UPB1: variants seen among roughly 807,000 people sequenced by gnomAD.
The protein encoded by UPB1 is beta-ureidopropionase 1, also known as beta-ureidopropionase.
A neutral mutation model predicts 49.1 loss-of-function variants in UPB1; 40 were observed. The ratio of observed to expected loss-of-function variants is 0.81; its 90% confidence interval spans 0.63 to 1.06. The LOEUF is 1.06. Among genes scored for constraint, UPB1 ranks in the 50% least tolerant of loss-of-function variants. The pLI, the probability that UPB1 is intolerant of heterozygous loss-of-function variation, is 0.00. For synonymous variants in UPB1, 207 were observed against 198.2 expected, an observed-to-expected ratio of 1.04 and a Z score of -0.38; for missense variants, 499 against 505.9, an observed-to-expected ratio of 0.99 and a Z score of 0.13.
rs144213713 is a variant in UPB1, at chr22:24,520,458, G to C, written c.863G>C (p.Arg288Pro). The change falls in exon 7 of 10, where the codon CGA becomes CCA. Residue 288 changes from arginine to proline, a missense_variant. Physicochemically the swap from Arg to Pro is moderately radical, Grantham distance 103. Transcript: ENST00000326010. Reference sequence around the variant, plus strand: ...CACTGCTTCACCTGCGCCATCAATCGAGTGGGCACCGTAAGTCCCGAGGTC... The same window carrying C: ...CACTGCTTCACCTGCGCCATCAATCCAGTGGGCACCGTAAGTCCCGAGGTC... ...ANHCFTCAIN[R>P]VGTEHFPNEF... The C allele has an allele frequency of 6.6e-5, 106 of 1,613,918 alleles. No homozygotes were observed. In the African/African-American group the frequency reaches 1.4e-3, roughly 21 times the overall value.
chr22:24,519,869 GC>G (rs1182290959), intron 6 of UPB1: 1 of 241,116 alleles, frequency 4.1e-6, no homozygotes, highest in East Asian at 1.1e-4. Context: ...CCCTGCACAA[GC>G]CCACCAGGCC....
At chr22:24,515,518 T>C in intron 6 of UPB1, 148 bp downstream of exon 6, 1 of 1,071,764 alleles carries the variant, frequency 9.3e-7, no homozygotes, top group Non-Finnish European at 1.4e-6. Context: ...ATGTTGTACA[T>C]GTGACCAGCT....
chr22:24,506,982 T>C (rs1471046056), intron 3 of UPB1, among the ~76,000 whole-genome samples: 1 of 148,266 alleles, frequency 6.7e-6, no homozygotes, highest in Admixed American at 6.8e-5. Context: ...TCCTTCCCTC[T>C]AGGCTGGCAG....
At position 24,525,755 on chromosome 22, in the gene UPB1, T is replaced by C; in HGVS notation, c.1116T>C (p.Ala372=). 1 of 1,614,216 alleles carries C rather than the reference T, an allele frequency of 6.2e-7. No homozygotes were observed. Among genetic ancestry groups the C allele is most frequent in the East Asian group, 2.2e-5 (1 of 44,884 alleles). ...TGTACGCACGGGAGCTCGCCGAAGC[T>C]GTCAAGTCCAACTACAGCCCCACCA... ...YEMYARELAE[A]VKSNYSPTIV... is the part of the protein sequence containing the mutation. Residue 372 remains alanine (A), a synonymous_variant, in exon 10 of 10, where the codon GCT becomes GCC. Coordinates refer to ENST00000326010, the MANE Select transcript of UPB1 (RefSeq NM_016327.3).
chr22:24,504,355 C>T lies in UPB1; in HGVS notation c.364+2142C>T, dbSNP rs113894510. On this transcript the variant is annotated intron_variant, in intron 3 of 9. Transcript: ENST00000326010. ...AAATTTTAGGTTAGAAATCATTTTC[C>T]TTCAGAAGTTTGAACACATTGTTCC... Among the ~76,000 whole-genome samples the T allele has an allele frequency of 6.8e-3, 1,040 of 152,302 alleles. 15 individuals are homozygous for T. The highest frequency in any genetic ancestry group is 0.023 in the African/African-American group (972 of 41,568).
Position 24,495,397 on chromosome 22 carries a change from C to A in UPB1, c.-7C>A, listed in dbSNP as rs200677387. 3.7e-6 allele frequency: 6 copies of A among 1,612,786 alleles called. No homozygotes were observed. Among genetic ancestry groups the A allele is most frequent in the Non-Finnish European group, 4.2e-6 (5 of 1,179,978 alleles). The stretch of plus-strand genomic sequence containing the variant: ...TGCGCGGACACAAGCACTGGCGGAC[C>A]GTGGCCATGGCGGGCGCTGAGTGGA... On this transcript the variant is annotated 5_prime_UTR_variant, in exon 1 of 10. Transcript: ENST00000326010.
At chr22:24,501,442 C>G (rs968728853) in intron 2 of UPB1, among the ~76,000 whole-genome samples, 5 of 152,188 alleles carry the variant, frequency 3.3e-5, no homozygotes, top group African/African-American at 1.2e-4. Context: ...CTGGGAGTGA[C>G]AGACAGCAGA....
chr22:24,518,865 G>GGT lies in UPB1; in HGVS notation c.792-1514_792-1513dup, dbSNP rs1431654531. ...CCTTTCCACTGCGATTATTTTTAGGGGTGTGTGTGCACCGCGCTGGGAATA... is the reference window on the plus strand; with the variant it reads ...CCTTTCCACTGCGATTATTTTTAGGGGTGTGTGTGTGCACCGCGCTGGGAATA... On this transcript the variant is annotated intron_variant, in intron 6 of 9. Transcript: ENST00000326010. Among the ~76,000 whole-genome samples, 70 of 152,132 alleles carry GGT rather than the reference G, an allele frequency of 4.6e-4. 1 individual carries two copies. Among genetic ancestry groups the GGT allele is most frequent in the Non-Finnish European group, 7.4e-5 (5 of 68,002 alleles).
chr22:24,520,288 G>T, intron 6 of UPB1, 99 bp from the exon 7 acceptor site: 1 of 1,362,752 alleles, frequency 7.3e-7, no homozygotes. Context: ...CCCACCACTG[G>T]CCCAGGAAAG....
intron 3 of UPB1, among the ~76,000 whole-genome samples, chr22:24,504,504 C>T (rs774338460): frequency 6.6e-6 from 1 of 152,160 alleles, no homozygotes; most frequent in Non-Finnish European, 1.5e-5. Flanking sequence ...CAGTACTCTA[C>T]AATTTCATAA....
Position 24,513,341 on chromosome 22 carries a change from C to A in UPB1, c.477C>A (p.Asp159Glu). 6.2e-7 allele frequency: 1 copy of A among 1,614,180 alleles called. No homozygotes were observed. The highest frequency in any genetic ancestry group is 8.5e-7 in the Non-Finnish European group (1 of 1,180,036). ...RFCQKLAKNH[D>E]MVVVSPILER... ...TTTTCCAGCTGGCGAAGAACCATGA[C>A]ATGGTGGTGGTGTCTCCCATCCTGG... is the stretch of plus-strand genomic sequence containing the variant. Residue 159 changes from aspartate to glutamate, a missense_variant, in exon 5 of 10, where the codon GAC becomes GAA. Transcript: ENST00000326010.
At chr22:24,518,274 C>G (rs1182283024) in intron 6 of UPB1, 1 of 152,206 alleles carries the variant, frequency 6.6e-6, no homozygotes, top group Non-Finnish European at 1.5e-5. Flanking sequence ...CAGCCCACCT[C>G]TTCCACAGGT....
At position 24,500,218 on chromosome 22, in the gene UPB1, G is replaced by T; in HGVS notation, c.216G>T (p.Val72=). ...AEEQLRRPRI[V]HVGLVQNRIP... ...AGCAGCTGAGACGACCCCGCATTGT[G>T]CACGTGGGGCTGGTTCAGAACAGAA... The change falls in exon 2 of 10, where the codon GTG becomes GTT. Residue 72 remains valine, a synonymous_variant. Transcript: ENST00000326010. 1 of 1,614,210 alleles carries T rather than the reference G, an allele frequency of 6.2e-7. No individual in the cohort carries two copies. The highest frequency in any genetic ancestry group is 8.5e-7 in the Non-Finnish European group (1 of 1,180,024).
At chr22:24,503,828 T>C (rs982885424) in intron 3 of UPB1, 7 of 152,278 alleles carry the variant, frequency 4.6e-5, no homozygotes, top group African/African-American at 1.7e-4. Flanking sequence ...GCCCAGGATC[T>C]GTAAGTAAAA....
chr22:24,503,980 T>G (rs1009918211), intron 3 of UPB1, among the ~76,000 whole-genome samples: 2 of 152,212 alleles, frequency 1.3e-5, no homozygotes, highest in East Asian at 3.8e-4. Flanking sequence ...AGAGTGGTAG[T>G]CAGGCAGGGA....
In UPB1 at chr22:24,506,768, C is replaced by T. The variant is rs183400857; in HGVS notation, c.365-3981C>T. Among the ~76,000 whole-genome samples the T allele has an allele frequency of 2.2e-3, 341 of 152,300 alleles. 1 individual carries two copies. The highest frequency in any genetic ancestry group is 4.0e-3 in the Non-Finnish European group (274 of 68,018). ...TTCATCTTTAGTGGCAAGAATAATC[C>T]CTAGTGCATGACAGGCACTACAAAT... On this transcript the variant is annotated intron_variant, in intron 3 of 9. Coordinates refer to ENST00000326010, the MANE Select transcript of UPB1 (RefSeq NM_016327.3).
Position 24,513,421 on chromosome 22 carries a change from A to G in UPB1, c.557A>G (p.Asn186Ser), listed in dbSNP as rs1480352961. ...TGGAATACAGCCGTGGTGATCTCCA[A>G]TTCCGGAGCAGTCCTGGGAAAGACC... ...VLWNTAVVIS[N>S]SGAVLGKTRK... Residue 186 changes from asparagine to serine, a missense_variant, in exon 5 of 10, where the codon AAT (asparagine) becomes AGT (serine). Transcript: ENST00000326010. 1.2e-5 allele frequency: 19 copies of G among 1,614,084 alleles called. No homozygotes were observed. The highest frequency in any genetic ancestry group is 1.5e-5 in the Non-Finnish European group (18 of 1,180,040).
chr22:24,521,111 G>A (rs2044382079), intron 7 of UPB1, among the ~76,000 whole-genome samples: 1 of 150,360 alleles, frequency 6.7e-6, no homozygotes, highest in Non-Finnish European at 1.5e-5. Context: ...TGAACAAGGA[G>A]GCAGAGGTTG....
intron 4 of UPB1, among the ~76,000 whole-genome samples, chr22:24,513,025 A>G (rs966096164): frequency 1.3e-5 from 2 of 152,214 alleles, no homozygotes; most frequent in African/African-American, 2.4e-5. Flanking sequence ...ATACTTTTGG[A>G]TATATACCCA....
Sources: allele counts gnomAD v4.1 joint callset (sites outside exome capture counted in the v4.1 genomes callset), GRCh38; gene constraint gnomAD v4.1.1; transcripts MANE v1.5; gene names NCBI Gene and HGNC (gene_info 2026-07-23, HGNC 2026-07-21).